The following SPAG16 variants were observed in gnomAD, a reference collection of about 807,000 sequenced individuals.
The protein encoded by SPAG16 is sperm associated antigen 16.
A neutral mutation model predicts 80.4 loss-of-function variants in SPAG16; 86 were observed. That is an observed-to-expected ratio of 1.07 (90% CI 0.90 to 1.28). SPAG16 has a LOEUF of 1.28. Among genes scored for constraint, SPAG16 ranks in the 50% most tolerant of loss-of-function variants. The pLI is 0.00. For missense variants in SPAG16, 870 were observed against 765.3 expected (o/e 1.14, Z -1.61); for synonymous variants, 294 against 265.9 (o/e 1.11, Z -1.03).
intron 15 of SPAG16, among the ~76,000 whole-genome samples, chr2:214,349,128 C>G (rs1912212): frequency 0.37 from 56,642 of 152,050 alleles, 13,244 homozygotes; most frequent in South Asian, 0.6. Flanking sequence ...TTGCATGGCA[C>G]CTACCTGCAG....
At position 214,062,418 on chromosome 2, in the gene SPAG16, C is replaced by CA. The variant is rs56693089; in HGVS notation, c.1528-45752dup. 9.3e-3 allele frequency among the ~76,000 whole-genome samples: 513 copies of CA among 55,180 alleles called. 15 individuals carry two copies. The highest frequency in any genetic ancestry group is 0.025 in the East Asian group (23 of 908). The allele number at this position is 55,180 out of a possible 152,430, so 36.2% of individuals were successfully genotyped here. ...TGGGCGGCAGAGCACGACTCTGACT[C>CA]AAAAAAAAAAAAAAAAAAAAAAAAA... On this transcript the variant is annotated intron_variant, in intron 13 of 15. Transcript: ENST00000331683.
chr2:214,011,452 CTTTTCTTCAAAGGGCT>C (rs2047278127), intron 12 of SPAG16, among the ~76,000 whole-genome samples: 1 of 118,272 alleles, frequency 8.5e-6, no homozygotes, highest in Non-Finnish European at 1.7e-5. Context: ...GGTCAGCAAA[CTTTTCTTCAAAGGGCT>C]ATGAATTAAA....
At position 214,222,110 on chromosome 2, in the gene SPAG16, CTTTTTT is replaced by C. The variant is rs10694178; in HGVS notation, c.1720+72862_1720+72867del. On this transcript the variant is annotated intron_variant, in intron 15 of 15. Transcript: ENST00000331683. ...TTGAGAAATTAGTTTCCTTGCTATT[CTTTTTT>C]TTTTTTTTTTTTTTTTTGAAACAGA... Among the ~76,000 whole-genome samples, 23 of 103,628 alleles carry C rather than the reference CTTTTTT, an allele frequency of 2.2e-4. No homozygotes were observed. The East Asian group carries it at 4.1e-3, about 18-fold the overall frequency. The allele number at this position is 103,628 out of a possible 152,430, so 68.0% of individuals were successfully genotyped here.
At chr2:213,663,441 A>G (rs2125191472) in intron 10 of SPAG16, among the ~76,000 whole-genome samples, 1 of 152,238 alleles carries the variant, frequency 6.6e-6, no homozygotes, top group South Asian at 2.1e-4. Context: ...TGTATTTTGT[A>G]TGTAACACTA....
intron 15 of SPAG16, among the ~76,000 whole-genome samples, chr2:214,248,055 A>G (rs1482573027): frequency 6.6e-6 from 1 of 152,076 alleles, no homozygotes; most frequent in Non-Finnish European, 1.5e-5. Context: ...AAGAAATCAT[A>G]GAAGTTAAAT....
chr2:214,330,525 C>A (rs971627104), intron 15 of SPAG16, among the ~76,000 whole-genome samples: 10 of 152,266 alleles, frequency 6.6e-5, no homozygotes, highest in African/African-American at 1.7e-4. Context: ...ATGAGAGAAA[C>A]AGAATTGTAC....
At chr2:213,638,330 CCTT>C (rs1381360928) in intron 10 of SPAG16, among the ~76,000 whole-genome samples, 2 of 151,908 alleles carry the variant, frequency 1.3e-5, no homozygotes, top group Non-Finnish European at 2.9e-5. Context: ...TGAGGTGTAA[CCTT>C]AGATTATCTA....
intron 10 of SPAG16, among the ~76,000 whole-genome samples, chr2:213,620,102 A>T (rs1199528378): frequency 6.6e-6 from 1 of 152,042 alleles, no homozygotes. Flanking sequence ...GGGAGCTAAA[A>T]AAAAAGTGAG....
chr2:213,959,474 C>T (rs1421234926), intron 12 of SPAG16, among the ~76,000 whole-genome samples: 3 of 152,094 alleles, frequency 2.0e-5, no homozygotes, highest in African/African-American at 7.2e-5. Context: ...TGACCCAAAC[C>T]CTAACACACC....
chr2:214,378,449 G>T (rs1171913882), intron 15 of SPAG16, among the ~76,000 whole-genome samples: 1 of 152,128 alleles, frequency 6.6e-6, no homozygotes, highest in Admixed American at 6.5e-5. Context: ...CTCTATCTCT[G>T]CCCTGTATTT....
chr2:213,442,214 T>C (rs978609228), intron 9 of SPAG16, among the ~76,000 whole-genome samples: 2 of 152,118 alleles, frequency 1.3e-5, no homozygotes, highest in Admixed American at 1.3e-4. Context: ...AATACTTAGG[T>C]CTAAATCTAA....
chr2:213,680,729 A>T lies in SPAG16; in HGVS notation c.1071-181756A>T, dbSNP rs183313199. ...CAAATATGAATGACCATGGCCCATG[A>T]CACAGCCCTTAGGAGGTCCTGAGAA... On this transcript the variant is annotated intron_variant, in intron 10 of 15. Coordinates refer to ENST00000331683, the MANE Select transcript of SPAG16 (RefSeq NM_024532.5). Among the ~76,000 whole-genome samples, 7 of 152,318 alleles carry T rather than the reference A, an allele frequency of 4.6e-5. No individual in the cohort carries two copies. The East Asian group carries it at 1.4e-3, about 29-fold the overall frequency.
intron 13 of SPAG16, among the ~76,000 whole-genome samples, chr2:214,033,804 C>G (rs1156907062): frequency 6.6e-6 from 1 of 152,078 alleles, no homozygotes; most frequent in Non-Finnish European, 1.5e-5. Flanking sequence ...TCCAAATATA[C>G]CAGGGTATAA....
intron 14 of SPAG16, among the ~76,000 whole-genome samples, chr2:214,132,015 G>C (rs1416118330): frequency 2.0e-5 from 3 of 152,138 alleles, no homozygotes; most frequent in Non-Finnish European, 4.4e-5. Context: ...TTGCTAGTGT[G>C]AGATGCTATG....
At chr2:213,997,496 A>G (rs981768129) in intron 12 of SPAG16, among the ~76,000 whole-genome samples, 3 of 152,252 alleles carry the variant, frequency 2.0e-5, no homozygotes, top group African/African-American at 7.2e-5. Context: ...CATGATAAAT[A>G]AAGTCAACAG....
At chr2:214,349,173 A>C (rs2126045304) in intron 15 of SPAG16, among the ~76,000 whole-genome samples, 1 of 152,324 alleles carries the variant, frequency 6.6e-6, no homozygotes, top group Admixed American at 6.5e-5. Flanking sequence ...ATTCAAGGCC[A>C]AATAGCCAAG....
intron 13 of SPAG16, among the ~76,000 whole-genome samples, chr2:214,062,716 G>A (rs1015533208): frequency 7.8e-5 from 10 of 128,428 alleles, no homozygotes; most frequent in African/African-American, 2.4e-4. Context: ...GTTTAATCTC[G>A]ACATGGTAAA....
At chr2:214,040,685 A>G (rs886946219) in intron 13 of SPAG16, among the ~76,000 whole-genome samples, 1 of 152,012 alleles carries the variant, frequency 6.6e-6, no homozygotes, top group Non-Finnish European at 1.5e-5. Flanking sequence ...TTTTGTATGT[A>G]GCGTTTTGGA....
chr2:213,330,178 G>C (rs953182141), intron 5 of SPAG16, among the ~76,000 whole-genome samples: 2 of 152,090 alleles, frequency 1.3e-5, no homozygotes, highest in Non-Finnish European at 2.9e-5. Flanking sequence ...CCCTACTGGA[G>C]CATTGCCTAG....
Sources: allele counts gnomAD v4.1 joint callset (sites outside exome capture counted in the v4.1 genomes callset), GRCh38; gene constraint gnomAD v4.1.1; transcripts MANE v1.5; gene names NCBI Gene and HGNC (gene_info 2026-07-23, HGNC 2026-07-21).